Variants in BTC observed in about 807,000 individuals in gnomAD.
BTC encodes probetacellulin.
In BTC, 13 loss-of-function variants were observed where a neutral mutation model predicts 18.1. The observed-to-expected ratio is 0.72, with a 90% CI of 0.47 to 1.14. The LOEUF (loss-of-function observed/expected upper bound fraction) is 1.14, where lower values mean the gene tolerates loss of function less well. Among genes scored for constraint, BTC ranks in the 50% most tolerant of loss-of-function variants. The pLI is 0.00. For missense variants in BTC, 247 were observed against 224.2 expected (o/e 1.10, Z -0.65); for synonymous variants, 83 against 79.4 (o/e 1.05, Z -0.24).
chr4:74,759,948 T>C (rs1388073532), intron 2 of BTC, among the ~76,000 whole-genome samples: 1 of 152,244 alleles, frequency 6.6e-6, no homozygotes, highest in Non-Finnish European at 1.5e-5. Context: ...GATAGTTCCT[T>C]AGTCTCTATG....
intron 2 of BTC, among the ~76,000 whole-genome samples, chr4:74,756,403 G>T (rs1411135243): frequency 2.0e-5 from 3 of 152,110 alleles, no homozygotes; most frequent in Non-Finnish European, 4.4e-5. Flanking sequence ...GCTAGATGCT[G>T]GTCTGTTTGC....
At chr4:74,773,173 A>C (rs1725089605) in intron 1 of BTC, among the ~76,000 whole-genome samples, 1 of 152,182 alleles carries the variant, frequency 6.6e-6, no homozygotes, top group South Asian at 2.1e-4. Flanking sequence ...CACAGTTTTT[A>C]ATAATTGAAT....
chr4:74,759,084 T>C (rs1362363730), intron 2 of BTC, among the ~76,000 whole-genome samples: 4 of 152,188 alleles, frequency 2.6e-5, no homozygotes, highest in Non-Finnish European at 5.9e-5. Flanking sequence ...TATAATCCAG[T>C]ATTCATCAAG....
At position 74,755,861 on chromosome 4, in the gene BTC, A is replaced by C; in HGVS notation, c.279T>G (p.Cys93Trp). The change falls in exon 3 of 6, where the codon TGT becomes TGG. Residue 93 changes from cysteine to tryptophan, a missense_variant and splice_region_variant. By Grantham distance (215) the Cys-to-Trp change is radical. Coordinates refer to ENST00000395743, the MANE Select transcript of BTC (RefSeq NM_001729.4). ...CTGGCTGAGGACACTCCACTTACAC[A>C]CAGGAGGGCGTCTGCTCGGCCACCA... ...RFVVAEQTPS[C>W]VCDEGYIGAR... The C allele has an allele frequency of 6.2e-7, 1 of 1,613,902 alleles. No homozygotes were observed.
At chr4:74,765,561 A>G (rs1724879420) in intron 2 of BTC, among the ~76,000 whole-genome samples, 1 of 152,192 alleles carries the variant, frequency 6.6e-6, no homozygotes, top group Admixed American at 6.5e-5. Context: ...AAGGGGCAGA[A>G]AGATTATTCA....
chr4:74,751,509 A>G (rs1428513360), intron 3 of BTC, among the ~76,000 whole-genome samples: 1 of 152,128 alleles, frequency 6.6e-6, no homozygotes, highest in Admixed American at 6.5e-5. Context: ...GGCCTTCTTC[A>G]AGGGAATGAC....
At chr4:74,746,953 T>G (rs1724308475) in intron 5 of BTC, among the ~76,000 whole-genome samples, 1 of 152,196 alleles carries the variant, frequency 6.6e-6, no homozygotes, top group Non-Finnish European at 1.5e-5. Flanking sequence ...TAATTGCTAC[T>G]GGCCTTTCTT....
At chr4:74,752,782 T>G (rs1724498606) in intron 3 of BTC, among the ~76,000 whole-genome samples, 2 of 152,232 alleles carry the variant, frequency 1.3e-5, no homozygotes, top group African/African-American at 2.4e-5. Context: ...AGCTTAAATA[T>G]TCCTCTAACA....
At position 74,774,236 on chromosome 4, in the gene BTC, ACAC is replaced by A. The variant is rs568558971; in HGVS notation, c.65-4083_65-4081del. On this transcript the variant is annotated intron_variant, in intron 1 of 5. Transcript: ENST00000395743. ...CTCAGGGCCAGTAATTAGCCCACAT[ACAC>A]CATATGGGATAACTGGTTGTGACTA... 2.2e-3 allele frequency among the ~76,000 whole-genome samples: 341 copies of A among 152,324 alleles called. 2 individuals are homozygous for A. The highest frequency in any genetic ancestry group is 3.8e-3 in the Non-Finnish European group (256 of 68,010).
intron 1 of BTC, among the ~76,000 whole-genome samples, chr4:74,782,808 A>G (rs941644062): frequency 2.0e-5 from 3 of 152,106 alleles, no homozygotes; most frequent in Non-Finnish European, 4.4e-5. Context: ...TGGTGTGAAA[A>G]TGGTATCTCA....
At chr4:74,791,751 C>T (rs140228826) in intron 1 of BTC, among the ~76,000 whole-genome samples, 105 of 152,242 alleles carry the variant, frequency 6.9e-4, no homozygotes, top group African/African-American at 2.3e-3. Context: ...TAGACATAAG[C>T]CATTTCTAAT....
intron 4 of BTC, among the ~76,000 whole-genome samples, chr4:74,748,799 G>A (rs1553955769): frequency 6.6e-6 from 1 of 152,176 alleles, no homozygotes. Context: ...GAGTGACACA[G>A]CGTTTGGATA....
chr4:74,756,029 T>C, intron 2 of BTC, 53 bp from the exon 3 acceptor site: 1 of 1,373,810 alleles, frequency 7.3e-7, no homozygotes, highest in Non-Finnish European at 1.0e-6. Flanking sequence ...TATTCACTTG[T>C]AAATAGAATC....
chr4:74,771,151 T>C (rs963272537), intron 1 of BTC, among the ~76,000 whole-genome samples: 5 of 151,254 alleles, frequency 3.3e-5, no homozygotes, highest in Non-Finnish European at 7.4e-5. Flanking sequence ...TCCATAATAA[T>C]AGGAGGGAAG....
chr4:74,750,746 G>C, intron 3 of BTC, 27 bp from the exon 4 acceptor site: 1 of 1,600,216 alleles, frequency 6.2e-7, no homozygotes, highest in Non-Finnish European at 8.5e-7. Context: ...GGGCAAGGAA[G>C]TAAAACTTGC....
At chr4:74,784,531 T>C (rs1725426671) in intron 1 of BTC, among the ~76,000 whole-genome samples, 1 of 152,178 alleles carries the variant, frequency 6.6e-6, no homozygotes, top group African/African-American at 2.4e-5. Flanking sequence ...TTGCAGCTTT[T>C]GCCCATTCAG....
At chr4:74,748,468 G>A (rs940822706) in intron 4 of BTC, among the ~76,000 whole-genome samples, 5 of 151,904 alleles carry the variant, frequency 3.3e-5, no homozygotes, top group Non-Finnish European at 7.4e-5. Context: ...CCCGGGAGGC[G>A]GAGCTTGCAG....
intron 1 of BTC, among the ~76,000 whole-genome samples, chr4:74,787,794 T>G (rs1402496592): frequency 1.3e-5 from 2 of 152,160 alleles, no homozygotes; most frequent in East Asian, 3.9e-4. Flanking sequence ...CGTAAAGTCT[T>G]TTTTTTCCCA....
At chr4:74,758,427 G>A (rs781905905) in intron 2 of BTC, among the ~76,000 whole-genome samples, 2 of 152,106 alleles carry the variant, frequency 1.3e-5, no homozygotes, top group Non-Finnish European at 2.9e-5. Flanking sequence ...AACCAGGGCG[G>A]ACACATACAA....
Sources: gnomAD v4.1 joint callset for allele counts (sites outside exome capture counted in the v4.1 genomes callset) on GRCh38, gnomAD v4.1.1 for gene constraint, MANE v1.5 for transcripts, NCBI Gene and HGNC (gene_info 2026-07-23, HGNC 2026-07-21) for gene names.